Variants in PREX2 observed in about 807,000 individuals in gnomAD.
PREX2 encodes the protein phosphatidylinositol-3,4,5-trisphosphate dependent Rac exchange factor 2, also known as phosphatidylinositol 3,4,5-trisphosphate-dependent Rac exchanger 2 protein.
PREX2 carries 107 observed loss-of-function variants against 203.2 expected under a neutral mutation model. The ratio of observed to expected loss-of-function variants is 0.53; its 90% CI spans 0.45 to 0.62. The LOEUF is 0.62. PREX2 is among the 20% of genes least tolerant of loss of function. The pLI, the probability that PREX2 is intolerant of heterozygous loss-of-function variation, is 0.00. For missense variants in PREX2, 1,777 were observed against 1,955.9 expected (o/e 0.91, Z 1.72); for synonymous variants, 672 against 663.6 (o/e 1.01, Z -0.19).
intron 1 of PREX2, among the ~76,000 whole-genome samples, chr8:67,965,546 TACACACAC>T (rs1048420884): frequency 9.9e-5 from 15 of 151,978 alleles, no homozygotes; most frequent in African/African-American, 3.6e-4. Context: ...TGTATATATA[TACACACAC>T]ACTGTCCAAA....
At chr8:68,049,593 A>T (rs1808461719) in intron 8 of PREX2, among the ~76,000 whole-genome samples, 1 of 152,008 alleles carries the variant, frequency 6.6e-6, no homozygotes, top group South Asian at 2.1e-4. Context: ...TGTCCCTTGG[A>T]TTTTTCTGTT....
intron 26 of PREX2, among the ~76,000 whole-genome samples, chr8:68,116,281 T>A (rs75914586): frequency 0.043 from 6,616 of 152,252 alleles, 434 homozygotes; most frequent in African/African-American, 0.14. Flanking sequence ...TGTCACTGGT[T>A]TATTGGGTAG....
chr8:68,031,572 C>T lies in PREX2; in HGVS notation c.705+914C>T, dbSNP rs149276362. ...CCCAGATATGCAAAGAAACCTCAAA[C>T]ATTGACCTTAAAGAATTCTTCCGTT... On this transcript the variant is annotated intron_variant, in intron 6 of 39. Transcript: ENST00000288368. 4.7e-3 allele frequency among the ~76,000 whole-genome samples: 715 copies of T among 152,244 alleles called. 6 individuals are homozygous for T. The highest frequency in any genetic ancestry group is 0.016 in the African/African-American group (680 of 41,536).
At chr8:68,181,725 T>C (rs1812090111) in intron 35 of PREX2, among the ~76,000 whole-genome samples, 1 of 152,118 alleles carries the variant, frequency 6.6e-6, no homozygotes, top group Admixed American at 6.6e-5. Flanking sequence ...AGAAGATACA[T>C]TGTCCTTGGA....
At chr8:68,159,730 C>A (rs1811615646) in intron 35 of PREX2, among the ~76,000 whole-genome samples, 1 of 152,112 alleles carries the variant, frequency 6.6e-6, no homozygotes, top group African/African-American at 2.4e-5. Context: ...GAAACTATGC[C>A]ATTCCAGTCA....
At chr8:68,096,833 G>A (rs1810092237) in intron 21 of PREX2, among the ~76,000 whole-genome samples, 184 bp from the exon 22 acceptor site, 1 of 152,176 alleles carries the variant, frequency 6.6e-6, no homozygotes, top group African/African-American at 2.4e-5. Context: ...GATCACTCAA[G>A]CATATGCTTT....
intron 37 of PREX2, among the ~76,000 whole-genome samples, chr8:68,195,864 A>G (rs761764794): frequency 3.9e-5 from 6 of 152,240 alleles, no homozygotes; most frequent in Non-Finnish European, 8.8e-5. Context: ...TTTTAAAACT[A>G]TTGAATTATA....
chr8:68,021,766 C>T (rs1210907995), intron 3 of PREX2, among the ~76,000 whole-genome samples: 1 of 152,152 alleles, frequency 6.6e-6, no homozygotes, highest in East Asian at 1.9e-4. Flanking sequence ...CAAAGCTCAG[C>T]CCTCTCTTTT....
intron 31 of PREX2, among the ~76,000 whole-genome samples, chr8:68,131,973 A>G (rs1044525806): frequency 3.3e-5 from 5 of 152,282 alleles, no homozygotes; most frequent in African/African-American, 4.8e-5. Flanking sequence ...CATATGAAAA[A>G]CAAAGTAATA....
At chr8:68,027,184 A>C (rs761323772) in intron 4 of PREX2, 38 bp from the exon 5 acceptor site, 1 of 1,434,558 alleles carries the variant, frequency 7.0e-7, no homozygotes, top group East Asian at 2.3e-5. Flanking sequence ...GCGTGAGATT[A>C]TTAAAGATGT....
At chr8:68,118,907 C>A in intron 27 of PREX2, 4 of 603,518 alleles carry the variant, frequency 6.6e-6, no homozygotes, top group South Asian at 5.6e-5. Flanking sequence ...CTGTATGGTT[C>A]TATGAAGGAT....
At chr8:68,104,772 G>A (rs1057473443) in intron 23 of PREX2, among the ~76,000 whole-genome samples, 2 of 152,198 alleles carry the variant, frequency 1.3e-5, no homozygotes, top group Admixed American at 1.3e-4. Context: ...CATGCTGAGG[G>A]CAGTACCTGA....
At chr8:68,109,722 T>G in intron 25 of PREX2, 99 bp downstream of exon 25, 1 of 993,222 alleles carries the variant, frequency 1.0e-6, no homozygotes, top group Non-Finnish European at 1.5e-6. Context: ...TTATTGGAAA[T>G]TTAGGAGATT....
intron 22 of PREX2, among the ~76,000 whole-genome samples, chr8:68,099,142 A>C (rs972598646): frequency 2.6e-5 from 4 of 152,070 alleles, no homozygotes; most frequent in Admixed American, 6.6e-5. Flanking sequence ...AAGAGCTCAG[A>C]TGCTGCAAGT....
chr8:68,196,162 C>T (rs368972870), intron 37 of PREX2, among the ~76,000 whole-genome samples: 99 of 151,978 alleles, frequency 6.5e-4, no homozygotes, highest in African/African-American at 2.3e-3. Flanking sequence ...TGTTCAACTT[C>T]GCTTAAGTTT....
intron 19 of PREX2, among the ~76,000 whole-genome samples, chr8:68,088,472 T>A (rs976494739): frequency 4.6e-5 from 7 of 152,322 alleles, no homozygotes; most frequent in African/African-American, 1.7e-4. Flanking sequence ...AGTCATGTGT[T>A]TATCTAACAA....
At chr8:68,094,747 C>G (rs1585784641) in intron 21 of PREX2, among the ~76,000 whole-genome samples, 1 of 152,184 alleles carries the variant, frequency 6.6e-6, no homozygotes, top group East Asian at 1.9e-4. Flanking sequence ...AACCAATTCC[C>G]CAAATCTCCT....
intron 20 of PREX2, among the ~76,000 whole-genome samples, chr8:68,091,982 A>G (rs1809889657): frequency 6.6e-6 from 1 of 152,126 alleles, no homozygotes; most frequent in African/African-American, 2.4e-5. Context: ...TCTTGATTCT[A>G]TGGGGCGGCC....
At chr8:68,031,831 T>C (rs143680091) in intron 6 of PREX2, among the ~76,000 whole-genome samples, 1 of 152,352 alleles carries the variant, frequency 6.6e-6, no homozygotes, top group East Asian at 1.9e-4. Context: ...AGTTTGCTTT[T>C]GGAATTCTGT....
Sources: gnomAD v4.1 joint callset for allele counts (sites outside exome capture counted in the v4.1 genomes callset) on GRCh38, gnomAD v4.1.1 for gene constraint, MANE v1.5 for transcripts, NCBI Gene and HGNC (gene_info 2026-07-23, HGNC 2026-07-21) for gene names.